Variants in APMAP observed in about 807,000 individuals in gnomAD.
APMAP encodes adipocyte plasma membrane-associated protein.
APMAP carries 33 observed loss-of-function variants against 43.6 expected under a neutral mutation model. The ratio of observed to expected loss-of-function variants is 0.76; its 90% CI spans 0.57 to 1.01. The LOEUF (loss-of-function observed/expected upper bound fraction) is 1.01, where lower values mean the gene tolerates loss of function less well. Among genes scored for constraint, APMAP ranks in the 50% least tolerant of loss-of-function variants. The probability of loss-of-function intolerance (pLI) is 0.00; values close to 1 mark genes in which losing one functional copy is unlikely to be tolerated. For synonymous variants in APMAP, 224 were observed against 216.7 expected (o/e 1.03, Z -0.30); for missense variants, 498 against 540.7 (o/e 0.92, Z 0.78).
intron 5 of APMAP, 35 bp downstream of exon 5, chr20:24,971,425 A>G (rs1238670993): frequency 6.4e-7 from 1 of 1,566,192 alleles, no homozygotes; most frequent in East Asian, 2.2e-5. Context: ...AAGATCTAAA[A>G]TCTTCATAGA....
At chr20:24,979,903 C>T (rs1296004632) in intron 2 of APMAP, among the ~76,000 whole-genome samples, 3 of 152,140 alleles carry the variant, frequency 2.0e-5, no homozygotes, top group East Asian at 1.9e-4. Flanking sequence ...CACACCAGCT[C>T]TTTGCTCCAC....
intron 1 of APMAP, among the ~76,000 whole-genome samples, chr20:24,985,894 G>A (rs1190398442): frequency 6.6e-6 from 1 of 152,226 alleles, no homozygotes; most frequent in Non-Finnish European, 1.5e-5. Context: ...CACTGCTGGG[G>A]AGGGTGCAGA....
intron 1 of APMAP, among the ~76,000 whole-genome samples, chr20:24,984,281 C>A (rs2088129954): frequency 6.6e-6 from 1 of 152,120 alleles, no homozygotes; most frequent in African/African-American, 2.4e-5. Context: ...GATCTTGAAT[C>A]CTCCAGGAGG....
intron 1 of APMAP, among the ~76,000 whole-genome samples, chr20:24,989,121 T>A (rs577008128): frequency 2.6e-4 from 39 of 152,198 alleles, no homozygotes; most frequent in East Asian, 1.2e-3. Flanking sequence ...TTTTTTAACT[T>A]AAATAAAGAA....
chr20:24,976,920 T>C (rs184065524), intron 3 of APMAP, among the ~76,000 whole-genome samples: 5 of 152,346 alleles, frequency 3.3e-5, no homozygotes, highest in African/African-American at 1.2e-4. Context: ...AAGTGAAAGA[T>C]GCCAATCTGA....
chr20:24,977,588 C>T (rs1478252640), intron 3 of APMAP, among the ~76,000 whole-genome samples: 2 of 152,062 alleles, frequency 1.3e-5, no homozygotes, highest in Non-Finnish European at 2.9e-5. Context: ...CCCCACTGTG[C>T]CTGGCCAAGA....
intron 1 of APMAP, among the ~76,000 whole-genome samples, chr20:24,991,841 C>A (rs2088194742): frequency 6.6e-6 from 1 of 152,138 alleles, no homozygotes; most frequent in African/African-American, 2.4e-5. Flanking sequence ...CAGTTTTTAG[C>A]TAACAAAACA....
intron 1 of APMAP, among the ~76,000 whole-genome samples, chr20:24,988,063 C>A (rs1454569046): frequency 2.6e-5 from 4 of 152,212 alleles, no homozygotes; most frequent in African/African-American, 7.2e-5. Flanking sequence ...TCACTGCACT[C>A]TGGTACTGAG....
chr20:24,983,855 A>G (rs1233649140), intron 2 of APMAP, 48 bp downstream of exon 2: 2 of 1,293,844 alleles, frequency 1.5e-6, no homozygotes, highest in Non-Finnish European at 1.1e-6. Context: ...ATTTCAGCCT[A>G]TTACATTTTG....
At position 24,992,343 on chromosome 20, in the gene APMAP, G is replaced by A. The variant is rs2088200732; in HGVS notation, c.95+251C>T. Among the ~76,000 whole-genome samples, 3 of 152,228 alleles carry A rather than the reference G, an allele frequency of 2.0e-5. No individual in the cohort carries two copies. The South Asian group carries it at 6.2e-4, about 32-fold the overall frequency. On this transcript the variant is annotated intron_variant, in intron 1 of 8. Coordinates refer to ENST00000217456, the MANE Select transcript of APMAP (RefSeq NM_020531.3). ...GGCGCGAGGCGGTCTCGGGTCCGGAGAGCCGAGGACAACGCGGCGACTGGG... is the reference window on the plus strand; with the variant it reads ...GGCGCGAGGCGGTCTCGGGTCCGGAAAGCCGAGGACAACGCGGCGACTGGG...
intron 2 of APMAP, 139 bp downstream of exon 2, chr20:24,983,764 T>G: frequency 1.7e-6 from 1 of 578,702 alleles, no homozygotes; most frequent in South Asian, 2.8e-5. Context: ...ACCCAGGTAC[T>G]AAAGAAATCA....
intron 1 of APMAP, among the ~76,000 whole-genome samples, chr20:24,987,148 G>A (rs538347787): frequency 2.6e-5 from 4 of 152,084 alleles, no homozygotes; most frequent in Admixed American, 1.3e-4. Flanking sequence ...ATAAAGACAC[G>A]GTCTCAGTAT....
chr20:24,992,710 C>A lies in APMAP; in HGVS notation c.-22G>T, dbSNP rs114982000. 1 of 1,495,142 alleles carries A rather than the reference C, an allele frequency of 6.7e-7. No individual in the cohort carries two copies. Among genetic ancestry groups the A allele is most frequent in the Non-Finnish European group, 8.9e-7 (1 of 1,119,652 alleles). The allele number at this position is 1,495,142 out of a possible 1,614,324, so 92.6% of individuals were successfully genotyped here. A position where few individuals can be genotyped will look rare whatever the true frequency, so the allele number is the denominator to read the frequency against. ...TCATGGTACGGGCGCCAGCCTCACC[C>A]GCAGAAACCACCTCACACTGAGCGG... On this transcript the variant is annotated 5_prime_UTR_variant, in exon 1 of 9. Transcript: ENST00000217456.
chr20:24,988,484 T>C (rs956690144), intron 1 of APMAP, among the ~76,000 whole-genome samples: 1 of 152,322 alleles, frequency 6.6e-6, no homozygotes. Context: ...CAAAAGTCCA[T>C]TGACAAAGAT....
intron 8 of APMAP, among the ~76,000 whole-genome samples, chr20:24,965,000 C>G (rs1000354652): frequency 6.6e-6 from 1 of 152,240 alleles, no homozygotes; most frequent in African/African-American, 2.4e-5. Context: ...CCTCTCTTCT[C>G]TCTTCCCCCT....
rs775036114 is a variant in APMAP at position 24,968,960 on chromosome 20, G to C, written c.973C>G (p.Pro325Ala). 1.6e-5 allele frequency: 26 copies of C among 1,613,908 alleles called. No homozygotes were observed. Among genetic ancestry groups the C allele is most frequent in the Non-Finnish European group, 2.0e-5 (24 of 1,179,946 alleles). ...TCCAGCATGGAAAACCCAGGGTTAG[G>C]GCGGATGGTCGACATGCCCACCCAG... ...GYWVGMSTIR[P>A]NPGFSMLDFL... The change falls in exon 8 of 9, where the codon CCT (proline) becomes GCT (alanine). Residue 325 changes from proline (P) to alanine (A), a missense_variant. Physicochemically the swap from Pro to Ala is conservative, Grantham distance 27. Transcript: ENST00000217456.
chr20:24,985,498 G>A (rs2088139902), intron 1 of APMAP, among the ~76,000 whole-genome samples: 1 of 152,130 alleles, frequency 6.6e-6, no homozygotes, highest in African/African-American at 2.4e-5. Flanking sequence ...TTAACACAGT[G>A]AGACCTGCCC....
At chr20:24,967,122 C>T (rs1357617523) in intron 8 of APMAP, among the ~76,000 whole-genome samples, 1 of 152,068 alleles carries the variant, frequency 6.6e-6, no homozygotes, top group Admixed American at 6.6e-5. Context: ...GGTGAAAACT[C>T]GTCTCTATTA....
Position 24,992,749 on chromosome 20 carries a change from T to A in APMAP, c.-61A>T. ...CACACTGAGCGGCGCCGGCTCAGAC[T>A]CCAGGCCCGCCCTCCCCCGTACGCG... On this transcript the variant is annotated 5_prime_UTR_variant, in exon 1 of 9. Coordinates refer to ENST00000217456, the MANE Select transcript of APMAP (RefSeq NM_020531.3). The A allele has an allele frequency of 1.6e-6, 2 of 1,275,558 alleles. No homozygotes were observed. The highest frequency in any genetic ancestry group is 2.1e-6 in the Non-Finnish European group (2 of 962,748). The allele number at this position is 1,275,558 out of a possible 1,614,324, so 79.0% of individuals were successfully genotyped here.
Sources: allele counts gnomAD v4.1 joint callset (sites outside exome capture counted in the v4.1 genomes callset), GRCh38; gene constraint gnomAD v4.1.1; transcripts MANE v1.5; gene names NCBI Gene and HGNC (gene_info 2026-07-23, HGNC 2026-07-21).